AKAP19: variants seen among roughly 807,000 people sequenced by gnomAD.
AKAP19 encodes A-kinase anchoring protein 19.
chr2:190,014,815 T>A, the AKAP19 span, among the ~76,000 whole-genome samples: 1 of 152,004 alleles, frequency 6.6e-6, no homozygotes, highest in African/African-American at 2.4e-5. Flanking sequence ...ATGCGAGAAA[T>A]TGGCCAAAAC....
chr2:190,183,208 C>G, the AKAP19 span, among the ~76,000 whole-genome samples: 10 of 152,126 alleles, frequency 6.6e-5, no homozygotes, highest in Non-Finnish European at 1.3e-4. Flanking sequence ...GAGGTAACAT[C>G]TGCCTTTCAG....
the AKAP19 span, among the ~76,000 whole-genome samples, chr2:190,196,652 T>C: frequency 6.6e-6 from 1 of 152,188 alleles, no homozygotes; most frequent in African/African-American, 2.4e-5. Context: ...TATCTTCCTT[T>C]AAATGGTATT....
the AKAP19 span, among the ~76,000 whole-genome samples, chr2:190,017,228 A>C: frequency 6.6e-6 from 1 of 152,072 alleles, no homozygotes. Context: ...TTATTTATCC[A>C]TTCAGCTACC....
chr2:189,902,491 T>C, the AKAP19 span, among the ~76,000 whole-genome samples: 1 of 152,046 alleles, frequency 6.6e-6, no homozygotes, highest in Non-Finnish European at 1.5e-5. Flanking sequence ...TTTAAATGCA[T>C]CATTTTGGAA....
At chr2:190,057,706 G>A in the AKAP19 span, 1 of 1,535,228 alleles carries the variant, frequency 6.5e-7, no homozygotes, top group South Asian at 1.1e-5. Context: ...CCTACCTTAA[G>A]AAGTTATTGT....
At chr2:190,147,762 G>A in the AKAP19 span, among the ~76,000 whole-genome samples, 1 of 150,846 alleles carries the variant, frequency 6.6e-6, no homozygotes, top group African/African-American at 2.4e-5. Flanking sequence ...TGTTGTTGTT[G>A]TTGGAGCTAT....
the AKAP19 span, among the ~76,000 whole-genome samples, chr2:190,045,595 C>T: frequency 6.6e-6 from 1 of 152,190 alleles, no homozygotes; most frequent in Non-Finnish European, 1.5e-5. Context: ...ATGGCTAAGG[C>T]ACCCAAACAG....
At chr2:190,077,228 T>A in the AKAP19 span, among the ~76,000 whole-genome samples, 1 of 152,026 alleles carries the variant, frequency 6.6e-6, no homozygotes, top group Non-Finnish European at 1.5e-5. Flanking sequence ...TATGTCTTTT[T>A]TTTTTTTAAT....
the AKAP19 span, among the ~76,000 whole-genome samples, chr2:190,042,979 G>A: frequency 1.6e-4 from 24 of 152,184 alleles, no homozygotes; most frequent in African/African-American, 5.8e-4. Flanking sequence ...TATGAAATTT[G>A]TGGTTGAAGA....
At chr2:189,946,319 T>C in the AKAP19 span, among the ~76,000 whole-genome samples, 1 of 152,182 alleles carries the variant, frequency 6.6e-6, no homozygotes, top group African/African-American at 2.4e-5. Flanking sequence ...ACTTCAAAGA[T>C]AGAAGTTTAA....
At chr2:190,075,718 G>A in the AKAP19 span, among the ~76,000 whole-genome samples, 1 of 152,162 alleles carries the variant, frequency 6.6e-6, no homozygotes, top group African/African-American at 2.4e-5. Flanking sequence ...CAACCTACCT[G>A]TGTCTTTATT....
At chr2:190,062,336 G>A in the AKAP19 span, 1 of 1,613,332 alleles carries the variant, frequency 6.2e-7, no homozygotes, top group Non-Finnish European at 8.5e-7. Context: ...TCAGTTCCCG[G>A]AGTGGAGGAG....
At chr2:189,969,728 CAAAAAAAAAAAA>C in the AKAP19 span, among the ~76,000 whole-genome samples, 1 of 49,448 alleles carries the variant, frequency 2.0e-5, no homozygotes. Context: ...GACTCCATCT[CAAAAAAAAAAAA>C]AAAAAAAAAG....
the AKAP19 span, among the ~76,000 whole-genome samples, chr2:190,152,058 T>C: frequency 1.3e-5 from 2 of 150,690 alleles, no homozygotes; most frequent in African/African-American, 2.4e-5. Context: ...GCTCCATGGC[T>C]CACTCCTCTA....
chr2:190,004,977 G>A, the AKAP19 span, among the ~76,000 whole-genome samples: 7 of 152,098 alleles, frequency 4.6e-5, no homozygotes, highest in South Asian at 2.1e-4. Flanking sequence ...ATTAAGCCAC[G>A]GACCCTCACA....
At chr2:190,187,698 TA>T in the AKAP19 span, among the ~76,000 whole-genome samples, 1 of 151,872 alleles carries the variant, frequency 6.6e-6, no homozygotes, top group Non-Finnish European at 1.5e-5. Flanking sequence ...ACAAACAATA[TA>T]AAAAATAACG....
the AKAP19 span, among the ~76,000 whole-genome samples, chr2:189,949,490 G>A: frequency 1.5e-5 from 2 of 130,824 alleles, no homozygotes; most frequent in African/African-American, 5.8e-5. Context: ...GGGTGACAGA[G>A]TCTCTGTCTC....
At chr2:190,007,187 G>A in the AKAP19 span, among the ~76,000 whole-genome samples, 1 of 152,166 alleles carries the variant, frequency 6.6e-6, no homozygotes, top group Non-Finnish European at 1.5e-5. Flanking sequence ...ACTGGGGTAG[G>A]ATACCTTCAA....
chr2:190,173,114 C>CAAAAAAA, the AKAP19 span, among the ~76,000 whole-genome samples: 2 of 143,952 alleles, frequency 1.4e-5, no homozygotes, highest in African/African-American at 5.0e-5. Context: ...GACTCCATCT[C>CAAAAAAA]AAAAAAAATA....
Sources: allele counts gnomAD v4.1 joint callset (sites outside exome capture counted in the v4.1 genomes callset), GRCh38; gene constraint gnomAD v4.1.1; transcripts MANE v1.5; gene names NCBI Gene and HGNC (gene_info 2026-07-23, HGNC 2026-07-21).